VPS13B: variants seen among roughly 807,000 people sequenced by gnomAD.
VPS13B encodes the protein vacuolar protein sorting 13 homolog B, also known as intermembrane lipid transfer protein VPS13B.
Under a neutral mutation model 426.4 loss-of-function variants are expected in VPS13B, and 285 were observed. The observed-to-expected ratio is 0.67, with a 90% CI of 0.61 to 0.74. The LOEUF (loss-of-function observed/expected upper bound fraction) is 0.74, where lower values mean the gene tolerates loss of function less well. Among genes scored for constraint, VPS13B ranks in the 30% least tolerant of loss-of-function variants. VPS13B has a pLI of 0.00. For synonymous variants in VPS13B, 1,676 were observed against 1,676.4 expected, an observed-to-expected ratio of 1.00 and a Z score of 0.01; for missense variants, 4,537 against 4,782.6, an observed-to-expected ratio of 0.95 and a Z score of 1.51.
At chr8:99,845,649 G>C (rs779786965) in intron 54 of VPS13B, among the ~76,000 whole-genome samples, 1 of 152,178 alleles carries the variant, frequency 6.6e-6, no homozygotes, top group Non-Finnish European at 1.5e-5. Context: ...GCATAGCCAC[G>C]CCCAATGTCA....
In VPS13B at chr8:99,351,418, A is replaced by G. The variant is rs966462502; in HGVS notation, c.2825-32790A>G. Reference sequence around the variant, plus strand: ...ATGTTCATTTCTTTTCTCCTTCCTCAAGAGAGAGAGAGAGAGAGTGTGTGT... The same window carrying G: ...ATGTTCATTTCTTTTCTCCTTCCTCGAGAGAGAGAGAGAGAGAGTGTGTGT... On this transcript the variant is annotated intron_variant, in intron 19 of 61. Transcript: ENST00000357162. Among the ~76,000 whole-genome samples, 70 of 147,554 alleles carry G rather than the reference A, an allele frequency of 4.7e-4. 1 individual carries two copies. Among genetic ancestry groups the G allele is most frequent in the African/African-American group, 1.1e-3 (44 of 40,250 alleles).
At chr8:99,582,406 A>T (rs1182583949) in intron 33 of VPS13B, among the ~76,000 whole-genome samples, 1 of 152,292 alleles carries the variant, frequency 6.6e-6, no homozygotes, top group African/African-American at 2.4e-5. Context: ...TGAATGGCCT[A>T]TCATATCTTG....
At chr8:99,543,354 A>C (rs1174772133) in intron 30 of VPS13B, among the ~76,000 whole-genome samples, 4 of 152,232 alleles carry the variant, frequency 2.6e-5, no homozygotes, top group Non-Finnish European at 4.4e-5. Context: ...AAAACCATAA[A>C]AACCCTAGAA....
chr8:99,493,009 C>G (rs1825754), intron 25 of VPS13B, among the ~76,000 whole-genome samples: 1 of 151,976 alleles, frequency 6.6e-6, no homozygotes, highest in Non-Finnish European at 1.5e-5. Context: ...GAAGCGACTT[C>G]GAAATTATTA....
chr8:99,665,249 T>G (rs1588603532), intron 35 of VPS13B, among the ~76,000 whole-genome samples: 1 of 152,186 alleles, frequency 6.6e-6, no homozygotes, highest in South Asian at 2.1e-4. Flanking sequence ...TTGCAAAAAT[T>G]TTCTCCCATT....
intron 5 of VPS13B, among the ~76,000 whole-genome samples, chr8:99,105,140 A>G (rs918704830): frequency 6.6e-6 from 1 of 152,204 alleles, no homozygotes; most frequent in East Asian, 1.9e-4. Context: ...TAGTCTTCAC[A>G]TTTAACAAAA....
At chr8:99,514,177 C>T (rs1821937273) in intron 29 of VPS13B, among the ~76,000 whole-genome samples, 1 of 152,112 alleles carries the variant, frequency 6.6e-6, no homozygotes, top group African/African-American at 2.4e-5. Flanking sequence ...GTGTTCTTCA[C>T]TGGATAGGTC....
chr8:99,854,154 C>G lies in VPS13B; in HGVS notation c.10765C>G (p.Leu3589Val), dbSNP rs551114360. 10 of 1,613,898 alleles carry G rather than the reference C, an allele frequency of 6.2e-6. No homozygotes were observed. Among genetic ancestry groups the G allele is most frequent in the Non-Finnish European group, 8.5e-6 (10 of 1,180,020 alleles). Reference protein sequence around the residue: ...KLYIASDHTPLSFSVFERGPI... With the variant: ...KLYIASDHTPVSFSVFERGPI... ...GTACATAGCCTCAGACCACACTCCT[C>G]TCTCCTTCTCGGTGTTTGAAAGAGG... Residue 3589 changes from leucine to valine, a missense_variant, in exon 56 of 62, where the codon CTC becomes GTC. Around this residue, in one of 2 missense-constraint regions of VPS13B, gnomAD observed 4,311 missense variants for 4,474.3 expected, o/e 0.96. Transcript: ENST00000357162.
intron 15 of VPS13B, among the ~76,000 whole-genome samples, chr8:99,166,250 G>C (rs1219469594): frequency 6.6e-6 from 1 of 152,160 alleles, no homozygotes; most frequent in African/African-American, 2.4e-5. Context: ...CTCCCAAAGT[G>C]CTGGGATTAT....
chr8:99,372,034 G>A (rs867342970), intron 19 of VPS13B, among the ~76,000 whole-genome samples: 22 of 151,876 alleles, frequency 1.4e-4, no homozygotes, highest in Non-Finnish European at 2.2e-4. Flanking sequence ...GGCGGATCAC[G>A]AGGTCAGGAG....
At chr8:99,840,525 G>T (rs1815629044) in intron 54 of VPS13B, among the ~76,000 whole-genome samples, 3 of 152,202 alleles carry the variant, frequency 2.0e-5, no homozygotes, top group African/African-American at 7.2e-5. Context: ...AACAGGACAA[G>T]TTCATGGTTG....
intron 19 of VPS13B, among the ~76,000 whole-genome samples, chr8:99,308,258 C>G (rs1043009150): frequency 6.6e-6 from 1 of 151,758 alleles, no homozygotes; most frequent in Admixed American, 6.6e-5. Flanking sequence ...TATACATGCA[C>G]CACGTCGGTG....
chr8:99,202,293 A>G (rs1814377376), intron 17 of VPS13B, among the ~76,000 whole-genome samples: 1 of 152,212 alleles, frequency 6.6e-6, no homozygotes, highest in African/African-American at 2.4e-5. Flanking sequence ...TAGTGAAGAA[A>G]GTGTACATTT....
chr8:99,327,728 A>G (rs1274021843), intron 19 of VPS13B, among the ~76,000 whole-genome samples: 3 of 152,172 alleles, frequency 2.0e-5, no homozygotes, highest in South Asian at 2.1e-4. Context: ...TTTATAACAC[A>G]TTTTATGATC....
intron 1 of VPS13B, 34 bp downstream of exon 1, chr8:99,013,381 G>A: frequency 3.2e-6 from 1 of 313,256 alleles, no homozygotes; most frequent in South Asian, 2.8e-5. Context: ...GGGAGCGGGA[G>A]CGGGACGGGA....
chr8:99,690,619 CTT>C (rs1300160403), intron 35 of VPS13B, among the ~76,000 whole-genome samples: 1 of 151,756 alleles, frequency 6.6e-6, no homozygotes, highest in Non-Finnish European at 1.5e-5. Flanking sequence ...ATATAATAAT[CTT>C]ATATTTTATA....
At chr8:99,031,199 T>A (rs562644121) in intron 2 of VPS13B, among the ~76,000 whole-genome samples, 2 of 152,302 alleles carry the variant, frequency 1.3e-5, no homozygotes, top group East Asian at 3.9e-4. Flanking sequence ...TTGTATTTTT[T>A]AATTTTATTC....
chr8:99,267,336 A>AT (rs1818357507), intron 17 of VPS13B, among the ~76,000 whole-genome samples: 1 of 152,130 alleles, frequency 6.6e-6, no homozygotes, highest in Non-Finnish European at 1.5e-5. Flanking sequence ...GAGAGAGATG[A>AT]TTTGGGGTAT....
chr8:99,355,589 C>T (rs1812139198), intron 19 of VPS13B, among the ~76,000 whole-genome samples: 1 of 152,142 alleles, frequency 6.6e-6, no homozygotes, highest in South Asian at 2.1e-4. Flanking sequence ...GACTCCATCT[C>T]AAAAAGAAAC....
Sources: allele counts gnomAD v4.1 joint callset (sites outside exome capture counted in the v4.1 genomes callset), GRCh38; gene constraint gnomAD v4.1.1; regional missense constraint gnomAD v4.1.1; transcripts MANE v1.5; gene names NCBI Gene and HGNC (gene_info 2026-07-23, HGNC 2026-07-21).